EEF2K: variants seen among roughly 807,000 people sequenced by gnomAD.
EEF2K encodes the protein eukaryotic elongation factor 2 kinase, also known as alternative protein EEF2K.
Under a neutral mutation model 93.8 loss-of-function variants are expected in EEF2K, and 70 were observed. That is an observed-to-expected ratio of 0.75 (90% CI 0.62 to 0.91). The LOEUF (loss-of-function observed/expected upper bound fraction) is 0.91. Ranked by LOEUF, EEF2K falls within the 40% of genes least tolerant of loss-of-function variation. EEF2K has a pLI of 0.00. For synonymous variants in EEF2K, 376 were observed against 380.8 expected, an observed-to-expected ratio of 0.99 and a Z score of 0.15; for missense variants, 935 against 972.9, an observed-to-expected ratio of 0.96 and a Z score of 0.52.
intron 15 of EEF2K, among the ~76,000 whole-genome samples, chr16:22,269,190 A>G (rs887924634): frequency 6.6e-6 from 1 of 152,114 alleles, no homozygotes; most frequent in South Asian, 2.1e-4. Context: ...CAGTAGAGCC[A>G]TGCCTTCCTC....
Position 22,280,330 on chromosome 16 carries a change from G to A in EEF2K, c.2022G>A (p.Met674Ile). The A allele has an allele frequency of 6.2e-7, 1 of 1,604,926 alleles. No individual in the cohort carries two copies. Among genetic ancestry groups the A allele is most frequent in the Non-Finnish European group, 8.5e-7 (1 of 1,175,610 alleles). Residue 674 changes from methionine to isoleucine, a missense_variant, in exon 17 of 18, where the codon ATG becomes ATA. Transcript: ENST00000263026. ...RYMMLAREAE[M>I]LFTGGYGLEK... ...TGATGCTGGCCAGGGAGGCCGAGATGCTGTTCACAGGAGGCTACGGGCTGG... is the reference window on the plus strand; with the variant it reads ...TGATGCTGGCCAGGGAGGCCGAGATACTGTTCACAGGAGGCTACGGGCTGG...
At chr16:22,243,963 C>A (rs2047254560) in intron 2 of EEF2K, among the ~76,000 whole-genome samples, 2 of 134,954 alleles carry the variant, frequency 1.5e-5, no homozygotes, top group Non-Finnish European at 3.1e-5. Context: ...CACAGTGGCT[C>A]ACGCCTGTAA....
At chr16:22,266,642 T>C in intron 14 of EEF2K, 46 bp from the exon 15 acceptor site, 1 of 1,587,370 alleles carries the variant, frequency 6.3e-7, no homozygotes, top group African/African-American at 1.3e-5. Flanking sequence ...TGGGTGCGGC[T>C]TTGGCCCGCC....
chr16:22,280,166 C>T, intron 16 of EEF2K, 32 bp from the exon 17 acceptor site: 2 of 1,440,214 alleles, frequency 1.4e-6, no homozygotes, highest in South Asian at 1.6e-5. Context: ...GCCATGGTAA[C>T]CTCCACCTTT....
At chr16:22,247,394 G>A (rs1174229484) in intron 3 of EEF2K, among the ~76,000 whole-genome samples, 1 of 151,304 alleles carries the variant, frequency 6.6e-6, no homozygotes, top group Non-Finnish European at 1.5e-5. Flanking sequence ...GTTGTAGTGA[G>A]CCAAGATTGC....
At chr16:22,278,294 A>G (rs2047659430) in intron 16 of EEF2K, among the ~76,000 whole-genome samples, 1 of 152,186 alleles carries the variant, frequency 6.6e-6, no homozygotes, top group Non-Finnish European at 1.5e-5. Flanking sequence ...AAATCCATTC[A>G]TGAGGGCAGA....
chr16:22,246,271 C>T (rs1377445139), intron 3 of EEF2K, among the ~76,000 whole-genome samples: 1 of 152,058 alleles, frequency 6.6e-6, no homozygotes, highest in Non-Finnish European at 1.5e-5. Flanking sequence ...CCTGTAATCC[C>T]AGCACTTTGG....
At chr16:22,225,300 G>A (rs2047051665) in intron 1 of EEF2K, among the ~76,000 whole-genome samples, 1 of 152,154 alleles carries the variant, frequency 6.6e-6, no homozygotes, top group Non-Finnish European at 1.5e-5. Context: ...CAAGGCATTT[G>A]GATTTTATTA....
rs2047404882 is a variant in EEF2K, at chr16:22,256,768, C to T, written c.639C>T (p.Cys213=). 6.2e-7 allele frequency: 1 copy of T among 1,613,880 alleles called. No individual in the cohort carries two copies. The highest frequency in any genetic ancestry group is 1.1e-5 in the South Asian group (1 of 91,066). ...ACCAGGTGGACATCATGCAGATGTG[C>T]ATCATCGAGCTGAAGGACAGACCGG... ...PPKQVDIMQM[C]IIELKDRPGK... The change falls in exon 7 of 18, where the codon TGC becomes TGT. Residue 213 remains cysteine, a synonymous_variant. Transcript: ENST00000263026.
intron 6 of EEF2K, among the ~76,000 whole-genome samples, chr16:22,254,010 A>G (rs1019598607): frequency 6.6e-6 from 1 of 152,174 alleles, no homozygotes; most frequent in Non-Finnish European, 1.5e-5. Flanking sequence ...GAGGCAGGAG[A>G]ATCACTTGAA....
At chr16:22,211,770 A>G (rs1335736822) in intron 1 of EEF2K, among the ~76,000 whole-genome samples, 1 of 152,002 alleles carries the variant, frequency 6.6e-6, no homozygotes, top group East Asian at 1.9e-4. Flanking sequence ...GCCACAACCC[A>G]AAAGTCCTTC....
At chr16:22,257,167 C>T (rs1260768990) in intron 7 of EEF2K, 86 bp from the exon 8 acceptor site, 1 of 1,588,980 alleles carries the variant, frequency 6.3e-7, no homozygotes, top group Non-Finnish European at 8.5e-7. Flanking sequence ...AGAGAAAGCC[C>T]CTCAGCATGG....
intron 1 of EEF2K, among the ~76,000 whole-genome samples, chr16:22,215,551 G>A (rs2046950659): frequency 6.6e-6 from 1 of 152,146 alleles, no homozygotes; most frequent in African/African-American, 2.4e-5. Flanking sequence ...TATATGCTAG[G>A]GGTGCAGACA....
intron 15 of EEF2K, among the ~76,000 whole-genome samples, chr16:22,269,344 G>T (rs551813145): frequency 6.6e-6 from 1 of 152,052 alleles, no homozygotes; most frequent in South Asian, 2.1e-4. Flanking sequence ...TTCTGCTCTT[G>T]TAAAGACAGC....
At chr16:22,249,679 C>T (rs1051463800) in intron 4 of EEF2K, among the ~76,000 whole-genome samples, 7 of 152,070 alleles carry the variant, frequency 4.6e-5, no homozygotes, top group African/African-American at 1.7e-4. Flanking sequence ...ATGATCTTGC[C>T]TTACTGCAGC....
rs751581508 is a variant in EEF2K, at chr16:22,273,630, CAGAAG to C, written c.1774_1778del (p.Glu592GlnfsTer6). 11 of 1,613,964 alleles carry C rather than the reference CAGAAG, an allele frequency of 6.8e-6. No homozygotes were observed. The highest frequency in any genetic ancestry group is 2.7e-5 in the African/African-American group (2 of 74,912). ...CTCTTTGGTTTGTATCAACAGGAGA[CAGAAG>C]AGAACAAAACCAAAGGATTTGATTA... is the stretch of plus-strand genomic sequence containing the variant. On this transcript the variant is annotated frameshift_variant, in exon 16 of 18. Transcript: ENST00000263026. LOFTEE classifies it high-confidence loss of function.
Position 22,284,149 on chromosome 16 carries a change from A to G in EEF2K, c.*153A>G. 1 of 734,002 alleles carries G rather than the reference A, an allele frequency of 1.4e-6. No individual in the cohort carries two copies. The highest frequency in any genetic ancestry group is 1.9e-5 in the South Asian group (1 of 53,268). 45.5% of individuals were successfully genotyped at this position (734,002 alleles called of 1,614,324 possible). ...ATATTTCATTTTTTGACTCTTGAAA[A>G]ATGTCTTTGCTCCTTGGCAGCTACC... is the stretch of plus-strand genomic sequence containing the variant. On this transcript the variant is annotated 3_prime_UTR_variant, in exon 18 of 18. Coordinates refer to ENST00000263026, the MANE Select transcript of EEF2K (RefSeq NM_013302.5).
At chr16:22,217,700 G>T (rs1177639123) in intron 1 of EEF2K, among the ~76,000 whole-genome samples, 1 of 152,148 alleles carries the variant, frequency 6.6e-6, no homozygotes, top group Non-Finnish European at 1.5e-5. Flanking sequence ...TGATCCACCT[G>T]CCTTGGCCTT....
intron 4 of EEF2K, 111 bp downstream of exon 4, chr16:22,248,926 C>T: frequency 2.8e-6 from 3 of 1,073,608 alleles, no homozygotes; most frequent in Non-Finnish European, 2.7e-6. Flanking sequence ...ATTTTTGTAA[C>T]TTCGGGGGAT....
Sources: gnomAD v4.1 joint callset for allele counts (sites outside exome capture counted in the v4.1 genomes callset) on GRCh38, gnomAD v4.1.1 for gene constraint, MANE v1.5 for transcripts, NCBI Gene and HGNC (gene_info 2026-07-23, HGNC 2026-07-21) for gene names.